SPAG16: variants seen among roughly 807,000 people sequenced by gnomAD.
SPAG16 encodes sperm-associated antigen 16 protein.
A neutral mutation model predicts 80.4 loss-of-function variants in SPAG16; 86 were observed. That is an observed-to-expected ratio of 1.07 (90% confidence interval 0.90 to 1.28). The LOEUF is 1.28. Among genes scored for constraint, SPAG16 ranks in the 50% most tolerant of loss-of-function variants. The probability of loss-of-function intolerance (pLI) is 0.00; values close to 1 mark genes in which losing one functional copy is unlikely to be tolerated. For missense variants in SPAG16, 870 were observed against 765.3 expected (o/e 1.14, Z -1.61); for synonymous variants, 294 against 265.9 (o/e 1.11, Z -1.03).
At chr2:213,909,022 G>A (rs1000462104) in intron 11 of SPAG16, among the ~76,000 whole-genome samples, 1 of 151,862 alleles carries the variant, frequency 6.6e-6, no homozygotes, top group Non-Finnish European at 1.5e-5. Flanking sequence ...AGAACATGCG[G>A]TGTTTGTTTT....
intron 6 of SPAG16, among the ~76,000 whole-genome samples, chr2:213,349,591 A>T (rs1481857031): frequency 6.6e-6 from 1 of 152,192 alleles, no homozygotes; most frequent in Admixed American, 6.6e-5. Context: ...CATGACTTAT[A>T]TAAAAATGTT....
chr2:213,905,177 A>C (rs931399625), intron 11 of SPAG16, among the ~76,000 whole-genome samples: 1 of 152,124 alleles, frequency 6.6e-6, no homozygotes, highest in African/African-American at 2.4e-5. Context: ...AAGACATATG[A>C]TTTTTACAGT....
chr2:214,016,830 G>T (rs1295223310), intron 13 of SPAG16, among the ~76,000 whole-genome samples: 2 of 152,042 alleles, frequency 1.3e-5, no homozygotes, highest in South Asian at 2.1e-4. Flanking sequence ...TATAAGAAAA[G>T]AATAAATATT....
intron 10 of SPAG16, among the ~76,000 whole-genome samples, chr2:213,697,540 C>G (rs1195463625): frequency 6.6e-6 from 1 of 152,032 alleles, no homozygotes; most frequent in Admixed American, 6.5e-5. Context: ...ATGAGATTAC[C>G]CTATATTTAT....
chr2:213,763,658 ATT>A (rs36033418), intron 10 of SPAG16, among the ~76,000 whole-genome samples: 2 of 150,446 alleles, frequency 1.3e-5, no homozygotes, highest in Non-Finnish European at 3.0e-5. Context: ...GGTGGATCTC[ATT>A]TTTTTTTTAC....
chr2:214,284,797 CTGTGTGTGTGTGTGTGTG>C (rs34221048), intron 15 of SPAG16, among the ~76,000 whole-genome samples: 2 of 149,752 alleles, frequency 1.3e-5, no homozygotes, highest in Non-Finnish European at 3.0e-5. Context: ...ATATTTTACT[CTGTGTGTGTGTGTGTGTG>C]TGTGTGTGTG....
chr2:213,635,476 T>C (rs1175797359), intron 10 of SPAG16, among the ~76,000 whole-genome samples: 1 of 152,228 alleles, frequency 6.6e-6, no homozygotes, highest in African/African-American at 2.4e-5. Flanking sequence ...TTTTAGTTTT[T>C]TCAGGAATCT....
At chr2:214,393,920 A>G (rs1318505234) in intron 15 of SPAG16, among the ~76,000 whole-genome samples, 1 of 152,182 alleles carries the variant, frequency 6.6e-6, no homozygotes, top group African/African-American at 2.4e-5. Context: ...TTCTCCAGTC[A>G]TAGGAAATGT....
intron 15 of SPAG16, among the ~76,000 whole-genome samples, chr2:214,273,444 A>C (rs1466161749): frequency 6.6e-6 from 1 of 152,150 alleles, no homozygotes. Context: ...TTAAGTCTTT[A>C]ATCCATCTTG....
At chr2:214,227,473 G>T (rs2058722092) in intron 15 of SPAG16, among the ~76,000 whole-genome samples, 1 of 151,870 alleles carries the variant, frequency 6.6e-6, no homozygotes, top group African/African-American at 2.4e-5. Flanking sequence ...CAACGCTTTT[G>T]CCAGTTAGGA....
chr2:213,660,792 C>A (rs2063397854), intron 10 of SPAG16, among the ~76,000 whole-genome samples: 1 of 152,206 alleles, frequency 6.6e-6, no homozygotes. Flanking sequence ...AGTAGCAGAA[C>A]ATGTTCCATA....
At chr2:213,432,587 A>G (rs957905961) in intron 9 of SPAG16, among the ~76,000 whole-genome samples, 2 of 152,128 alleles carry the variant, frequency 1.3e-5, no homozygotes, top group South Asian at 4.1e-4. Context: ...ATGAGATTGA[A>G]TCAGTAATAA....
At chr2:213,760,096 C>T (rs1300249575) in intron 10 of SPAG16, among the ~76,000 whole-genome samples, 1 of 151,758 alleles carries the variant, frequency 6.6e-6, no homozygotes, top group East Asian at 1.9e-4. Flanking sequence ...TCCTTCTTTT[C>T]AGAAATTACT....
chr2:213,826,009 T>C (rs556667414), intron 10 of SPAG16, among the ~76,000 whole-genome samples: 5 of 152,034 alleles, frequency 3.3e-5, no homozygotes, highest in East Asian at 3.9e-4. Context: ...TAGGAACTTA[T>C]CCATTTCTTC....
At chr2:214,002,878 T>G (rs1397353) in intron 12 of SPAG16, among the ~76,000 whole-genome samples, 6 of 151,908 alleles carry the variant, frequency 3.9e-5, no homozygotes, top group African/African-American at 1.5e-4. Context: ...TAGAAACACC[T>G]TCACAGACAT....
At chr2:213,523,511 T>G (rs1284601879) in intron 10 of SPAG16, among the ~76,000 whole-genome samples, 1 of 151,892 alleles carries the variant, frequency 6.6e-6, no homozygotes, top group Non-Finnish European at 1.5e-5. Flanking sequence ...CAGGCAGAAG[T>G]TGGAACAGTT....
intron 11 of SPAG16, among the ~76,000 whole-genome samples, chr2:213,867,795 G>A (rs1311216004): frequency 4.0e-5 from 6 of 151,490 alleles, no homozygotes; most frequent in African/African-American, 1.5e-4. Context: ...GTGGTGGCGG[G>A]CACCTGTAGT....
intron 9 of SPAG16, among the ~76,000 whole-genome samples, chr2:213,418,643 A>G (rs1319823234): frequency 6.6e-6 from 1 of 152,054 alleles, no homozygotes; most frequent in Admixed American, 6.5e-5. Context: ...CTACTCTTTT[A>G]TGTGGAATCT....
chr2:213,669,319 A>T (rs1173595227), intron 10 of SPAG16, among the ~76,000 whole-genome samples: 3 of 152,192 alleles, frequency 2.0e-5, no homozygotes, highest in Admixed American at 2.0e-4. Flanking sequence ...TTGGGATAGA[A>T]GAGTAAACAT....
Sources: gnomAD v4.1 joint callset for allele counts (sites outside exome capture counted in the v4.1 genomes callset) on GRCh38, gnomAD v4.1.1 for gene constraint, MANE v1.5 for transcripts, NCBI Gene and HGNC (gene_info 2026-07-23, HGNC 2026-07-21) for gene names.